CSRP2: variants seen among roughly 807,000 people sequenced by gnomAD.
CSRP2 encodes the protein cysteine and glycine rich protein 2, also known as cysteine and glycine-rich protein 2.
Under a neutral mutation model 24.6 loss-of-function variants are expected in CSRP2, and 18 were observed. That is an observed-to-expected ratio of 0.73 (90% confidence interval 0.51 to 1.09). The LOEUF (loss-of-function observed/expected upper bound fraction) is 1.09. Among genes scored for constraint, CSRP2 ranks in the 50% least tolerant of loss-of-function variants. The pLI, the probability that CSRP2 is intolerant of heterozygous loss-of-function variation, is 0.00. For synonymous variants in CSRP2, 87 were observed against 84.3 expected (o/e 1.03, Z -0.18); for missense variants, 215 against 239.4 (o/e 0.90, Z 0.67).
At chr12:76,863,014 C>A (rs1953699436) in intron 3 of CSRP2, 162 bp downstream of exon 3, 2 of 1,434,632 alleles carry the variant, frequency 1.4e-6, no homozygotes, top group Non-Finnish European at 1.8e-6. Flanking sequence ...TTTGTTAGGT[C>A]CAAAACTCAA....
intron 1 of CSRP2, among the ~76,000 whole-genome samples, chr12:76,868,721 G>A (rs956913377): frequency 1.3e-5 from 2 of 152,052 alleles, no homozygotes; most frequent in South Asian, 2.1e-4. Context: ...CGAGGCAGGC[G>A]GATCATGAGG....
chr12:76,859,764 C>T (rs1165524534), intron 4 of CSRP2, 124 bp from the exon 5 acceptor site: 1 of 671,274 alleles, frequency 1.5e-6, no homozygotes, highest in Non-Finnish European at 2.6e-6. Flanking sequence ...TGTGGTTCAG[C>T]TCCAATGAGA....
At chr12:76,874,101 C>G (rs1387996799) in intron 1 of CSRP2, among the ~76,000 whole-genome samples, 1 of 152,020 alleles carries the variant, frequency 6.6e-6, no homozygotes, top group Non-Finnish European at 1.5e-5. Flanking sequence ...CAGAGGCATG[C>G]AAAAAGGGCT....
intron 3 of CSRP2, chr12:76,862,032 TGAA>T (rs1953685909): frequency 6.6e-6 from 1 of 152,198 alleles, no homozygotes; most frequent in Admixed American, 6.5e-5. Context: ...TCATCTGTTC[TGAA>T]GAAAGAGAGG....
chr12:76,871,499 G>A lies in CSRP2; in HGVS notation c.-1-5238C>T, dbSNP rs74103333. ...AAGAAACAAAGTTCAAGCCGGATGCGGTGGCTCACGCCTGTAATCCCAGCA... is the reference window on the plus strand; with the variant it reads ...AAGAAACAAAGTTCAAGCCGGATGCAGTGGCTCACGCCTGTAATCCCAGCA... On this transcript the variant is annotated intron_variant, in intron 1 of 5. Transcript: ENST00000311083. Among the ~76,000 whole-genome samples, 1,069 of 152,292 alleles carry A rather than the reference G, an allele frequency of 7.0e-3. 20 individuals are homozygous for A. Among genetic ancestry groups the A allele is most frequent in the African/African-American group, 0.025 (1,031 of 41,550 alleles).
At chr12:76,862,184 A>T (rs750630262) in intron 3 of CSRP2, 2 of 152,194 alleles carry the variant, frequency 1.3e-5, no homozygotes, top group African/African-American at 2.4e-5. Context: ...TTCTCAATAT[A>T]AAATGGATGT....
chr12:76,863,736 A>C (rs774585515), intron 2 of CSRP2: 9 of 163,986 alleles, frequency 5.5e-5, no homozygotes, highest in Non-Finnish European at 1.2e-4. Flanking sequence ...ATGCTTAAAC[A>C]AAAGGAATAA....
chr12:76,869,578 A>ACC (rs1555192108), intron 1 of CSRP2, among the ~76,000 whole-genome samples: 8 of 138,900 alleles, frequency 5.8e-5, no homozygotes, highest in Non-Finnish European at 9.4e-5. Context: ...ACACACACAC[A>ACC]CCCCTGACTG....
At chr12:76,869,430 T>G (rs1418566358) in intron 1 of CSRP2, among the ~76,000 whole-genome samples, 1 of 152,040 alleles carries the variant, frequency 6.6e-6, no homozygotes, top group African/African-American at 2.4e-5. Flanking sequence ...TCACGGCCAA[T>G]CAACTGTGCC....
chr12:76,860,528 A>G, intron 3 of CSRP2, 115 bp from the exon 4 acceptor site: 1 of 1,289,382 alleles, frequency 7.8e-7, no homozygotes, highest in African/African-American at 1.5e-5. Context: ...TCAAAGCTGG[A>G]AGCCTTTGCA....
At chr12:76,873,134 C>T (rs1953818284) in intron 1 of CSRP2, among the ~76,000 whole-genome samples, 1 of 152,144 alleles carries the variant, frequency 6.6e-6, no homozygotes, top group Non-Finnish European at 1.5e-5. Context: ...ATTCTAAATG[C>T]CTCCAGAAGC....
intron 1 of CSRP2, among the ~76,000 whole-genome samples, chr12:76,872,860 A>C (rs1373546583): frequency 6.6e-6 from 1 of 151,650 alleles, no homozygotes; most frequent in African/African-American, 2.4e-5. Context: ...AAACCACTCC[A>C]CGTGTGTCCG....
chr12:76,878,744 AAGAG>A, intron 1 of CSRP2, among the ~76,000 whole-genome samples, 190 bp downstream of exon 1: 1 of 152,298 alleles, frequency 6.6e-6, no homozygotes, highest in African/African-American at 2.4e-5. Flanking sequence ...TTTGGGGGAT[AAGAG>A]AGAGAAAATC....
rs764125084 is a variant in CSRP2 at position 76,859,032 on chromosome 12, C to T, written c.506-4G>A. On this transcript the variant is annotated splice_region_variant and splice_polypyrimidine_tract_variant and intron_variant, in intron 5 of 5. Transcript: ENST00000311083. ...CCAAAGTTCTTTGCATAGCATCCTA[C>T]AAAGGAAAGGGAGGAAGGATAGTTA... 2 of 1,613,994 alleles carry T rather than the reference C, an allele frequency of 1.2e-6. No homozygotes were observed. The highest frequency in any genetic ancestry group is 2.2e-5 in the South Asian group (2 of 91,080).
chr12:76,858,907 A>G lies in CSRP2; in HGVS notation c.*45T>C. 3 of 1,510,596 alleles carry G rather than the reference A, an allele frequency of 2.0e-6. No individual in the cohort carries two copies. The highest frequency in any genetic ancestry group is 2.8e-6 in the Non-Finnish European group (3 of 1,085,940). 93.6% of individuals were successfully genotyped at this position (1,510,596 alleles called of 1,614,324 possible). On this transcript the variant is annotated 3_prime_UTR_variant, in exon 6 of 6. Transcript: ENST00000311083. Reference sequence around the variant, plus strand: ...GTTAAAGATTATCTGTGCCTAGATTATGAAGAGATTCTCAGTGTGTGATGT... The same window carrying G: ...GTTAAAGATTATCTGTGCCTAGATTGTGAAGAGATTCTCAGTGTGTGATGT...
intron 5 of CSRP2, chr12:76,859,321 T>G (rs1277013563): frequency 3.4e-6 from 2 of 596,328 alleles, no homozygotes. Context: ...GCTCAAGACA[T>G]GAAGGCAAAA....
chr12:76,869,995 T>G (rs922625519), intron 1 of CSRP2, among the ~76,000 whole-genome samples: 3 of 152,186 alleles, frequency 2.0e-5, no homozygotes, highest in Non-Finnish European at 4.4e-5. Context: ...GGAAGTTCCC[T>G]CATGATTCCT....
intron 1 of CSRP2, among the ~76,000 whole-genome samples, chr12:76,869,076 G>A (rs1431021598): frequency 1.3e-5 from 2 of 151,974 alleles, no homozygotes; most frequent in Non-Finnish European, 2.9e-5. Context: ...ATAAATATTT[G>A]AAGGCTGGGA....
At chr12:76,864,483 T>C (rs892889666) in intron 2 of CSRP2, 4 of 152,162 alleles carry the variant, frequency 2.6e-5, no homozygotes, top group Admixed American at 2.0e-4. Flanking sequence ...AACTGGAATG[T>C]TGGTAACAAA....
Sources: allele counts gnomAD v4.1 joint callset (sites outside exome capture counted in the v4.1 genomes callset), GRCh38; gene constraint gnomAD v4.1.1; transcripts MANE v1.5; gene names NCBI Gene and HGNC (gene_info 2026-07-23, HGNC 2026-07-21).